The following TNR variants were observed in gnomAD, a reference collection of about 807,000 sequenced individuals.
TNR encodes tenascin-R.
TNR carries 45 observed loss-of-function variants against 150.4 expected under a neutral mutation model. The ratio of observed to expected loss-of-function variants is 0.30; its 90% CI spans 0.24 to 0.38. The LOEUF is 0.38. TNR is among the 10% of genes least tolerant of loss of function. The probability of loss-of-function intolerance (pLI) is 1.00; values close to 1 mark genes in which losing one functional copy is unlikely to be tolerated. For missense variants in TNR, 1,544 were observed against 1,759.1 expected (o/e 0.88, Z 2.19); for synonymous variants, 687 against 678.4 (o/e 1.01, Z -0.20).
rs1653796774 is a variant in TNR at position 175,403,228 on chromosome 1, C to T, written c.888G>A (p.Gln296=). The change falls in exon 4 of 23, where the codon CAG becomes CAA. Residue 296 remains glutamine (Q), a synonymous_variant. Coordinates refer to ENST00000367674, the MANE Select transcript of TNR (RefSeq NM_003285.3). ...CTCGCCCACTGCAGGCATTCAGACA[C>T]TGCCGCTGGCCGCAGTCCTCACCAA... ...GYVGEDCGQR[Q]CLNACSGRGQ... is the part of the protein sequence containing the mutation. 2 of 1,614,166 alleles carry T rather than the reference C, an allele frequency of 1.2e-6. No homozygotes were observed. The highest frequency in any genetic ancestry group is 1.3e-5 in the African/African-American group (1 of 75,032).
intron 1 of TNR, among the ~76,000 whole-genome samples, chr1:175,660,010 C>A (rs1665314620): frequency 6.6e-6 from 1 of 151,488 alleles, no homozygotes; most frequent in African/African-American, 2.4e-5. Flanking sequence ...AAAATTGACC[C>A]CTGACTTAGA....
chr1:175,737,779 T>A (rs973938327), intron 1 of TNR, among the ~76,000 whole-genome samples: 2 of 152,202 alleles, frequency 1.3e-5, no homozygotes, highest in African/African-American at 4.8e-5. Context: ...CCCTTGGCAG[T>A]GCCCTGCTCT....
chr1:175,504,675 C>T (rs1305144849), intron 2 of TNR, among the ~76,000 whole-genome samples: 1 of 152,130 alleles, frequency 6.6e-6, no homozygotes, highest in Non-Finnish European at 1.5e-5. Context: ...ATGGAGCCCC[C>T]GGCCTTCCAT....
chr1:175,465,017 T>C (rs1215896829), intron 2 of TNR, among the ~76,000 whole-genome samples: 9 of 152,166 alleles, frequency 5.9e-5, no homozygotes, highest in Non-Finnish European at 1.3e-4. Flanking sequence ...GGAAAGCCAG[T>C]ATACAGATTC....
intron 1 of TNR, among the ~76,000 whole-genome samples, chr1:175,584,760 G>A (rs1406751434): frequency 6.6e-6 from 1 of 152,070 alleles, no homozygotes; most frequent in Non-Finnish European, 1.5e-5. Context: ...ATAATAACAG[G>A]AAGTTCTCAA....
chr1:175,671,490 G>A (rs922382299), intron 1 of TNR, among the ~76,000 whole-genome samples: 7 of 152,184 alleles, frequency 4.6e-5, no homozygotes, highest in African/African-American at 1.7e-4. Context: ...CCTTGCCAGG[G>A]CCCCTGAATG....
chr1:175,667,972 T>A (rs898912803), intron 1 of TNR, among the ~76,000 whole-genome samples: 1 of 152,198 alleles, frequency 6.6e-6, no homozygotes, highest in African/African-American at 2.4e-5. Context: ...ACTGTTAGCA[T>A]CACCCTGGAG....
intron 2 of TNR, among the ~76,000 whole-genome samples, chr1:175,468,059 G>A (rs966797265): frequency 6.6e-6 from 1 of 152,234 alleles, no homozygotes; most frequent in Admixed American, 6.5e-5. Flanking sequence ...GACATGTGGA[G>A]ATGAAGGAGG....
intron 1 of TNR, among the ~76,000 whole-genome samples, chr1:175,727,840 G>T (rs1415304558): frequency 6.6e-6 from 1 of 152,106 alleles, no homozygotes; most frequent in South Asian, 2.1e-4. Context: ...TAAAATACAA[G>T]GCAAGGTCAT....
intron 2 of TNR, among the ~76,000 whole-genome samples, chr1:175,416,989 C>T (rs1208907495): frequency 2.8e-5 from 2 of 70,538 alleles, no homozygotes; most frequent in South Asian, 4.5e-4. Flanking sequence ...GCCTGGGCTA[C>T]AGAGCGAGAC....
intron 1 of TNR, among the ~76,000 whole-genome samples, chr1:175,542,789 T>G (rs1242242773): frequency 6.6e-6 from 1 of 152,226 alleles, no homozygotes; most frequent in Non-Finnish European, 1.5e-5. Context: ...ATATAATTTT[T>G]TAAACTCTCT....
chr1:175,548,997 A>C (rs1379364527), intron 1 of TNR, among the ~76,000 whole-genome samples: 1 of 152,226 alleles, frequency 6.6e-6, no homozygotes, highest in Non-Finnish European at 1.5e-5. Context: ...GCTGTCTCTC[A>C]TTGGTAATAT....
chr1:175,577,501 T>C (rs1662166384), intron 1 of TNR, among the ~76,000 whole-genome samples: 1 of 152,130 alleles, frequency 6.6e-6, no homozygotes, highest in African/African-American at 2.4e-5. Context: ...CACTGGAATC[T>C]TCCATCTTCA....
chr1:175,391,200 G>A (rs1653149625), intron 7 of TNR, 88 bp downstream of exon 7: 9 of 1,518,136 alleles, frequency 5.9e-6, no homozygotes, highest in Admixed American at 2.0e-5. Flanking sequence ...TAGCACCTCT[G>A]TTGTCTCTCC....
Position 175,366,083 on chromosome 1 carries a change from G to A in TNR, c.2109C>T (p.Ser703=). 6.2e-7 allele frequency: 1 copy of A among 1,613,832 alleles called. No individual in the cohort carries two copies. Among genetic ancestry groups the A allele is most frequent in the Non-Finnish European group, 8.5e-7 (1 of 1,179,808 alleles). Residue 703 remains serine (S), a synonymous_variant, in exon 11 of 23, where the codon TCC becomes TCT. Coordinates refer to ENST00000367674, the MANE Select transcript of TNR (RefSeq NM_003285.3). The part of the protein sequence containing the change: ...MVTASSETSI[S]LIWTKASGPI... The stretch of plus-strand genomic sequence containing the variant: ...GGCCACTGGCCTTGGTCCAGATGAG[G>A]GAGATGGAGGTCTCCGAGGAGGCTG...
chr1:175,527,448 G>A (rs1272485019), intron 2 of TNR, among the ~76,000 whole-genome samples: 1 of 152,154 alleles, frequency 6.6e-6, no homozygotes, highest in Non-Finnish European at 1.5e-5. Context: ...GTGAGTCTAA[G>A]GAAGAAAATG....
chr1:175,711,297 G>A (rs1667007479), intron 1 of TNR, among the ~76,000 whole-genome samples: 1 of 152,110 alleles, frequency 6.6e-6, no homozygotes, highest in Non-Finnish European at 1.5e-5. Context: ...GGGAGATGAG[G>A]GCTGAAGCAT....
At chr1:175,430,416 G>A (rs982846316) in intron 2 of TNR, among the ~76,000 whole-genome samples, 2 of 152,176 alleles carry the variant, frequency 1.3e-5, no homozygotes, top group African/African-American at 4.8e-5. Flanking sequence ...GAGAACATTT[G>A]TTTTCTCATA....
At chr1:175,739,819 A>G (rs568826129) in intron 1 of TNR, among the ~76,000 whole-genome samples, 6 of 152,282 alleles carry the variant, frequency 3.9e-5, no homozygotes, top group Admixed American at 1.3e-4. Flanking sequence ...TTCTTTACTA[A>G]GCTCACATAG....
Sources: allele counts gnomAD v4.1 joint callset (sites outside exome capture counted in the v4.1 genomes callset), GRCh38; gene constraint gnomAD v4.1.1; transcripts MANE v1.5; gene names NCBI Gene and HGNC (gene_info 2026-07-23, HGNC 2026-07-21).